The following NTM variants were observed in gnomAD, a reference collection of about 807,000 sequenced individuals.
NTM encodes the protein neurotrimin.
Under a neutral mutation model 42.1 loss-of-function variants are expected in NTM, and 13 were observed. The ratio of observed to expected loss-of-function variants is 0.31; its 90% CI spans 0.20 to 0.49. The LOEUF (loss-of-function observed/expected upper bound fraction) is 0.49, where lower values mean the gene tolerates loss of function less well. Ranked by LOEUF, NTM falls within the 20% of genes least tolerant of loss-of-function variation. The pLI is 0.99. For synonymous variants in NTM, 187 were observed against 179.2 expected (o/e 1.04, Z -0.35); for missense variants, 373 against 452.8 (o/e 0.82, Z 1.60).
chr11:132,110,784 C>T (rs371426466), intron 2 of NTM, among the ~76,000 whole-genome samples: 3 of 151,986 alleles, frequency 2.0e-5, no homozygotes, highest in East Asian at 3.9e-4. Context: ...CCTGTAATTC[C>T]AACACTTTGT....
At chr11:132,157,422 A>C (rs2137539187) in intron 3 of NTM, among the ~76,000 whole-genome samples, 1 of 152,320 alleles carries the variant, frequency 6.6e-6, no homozygotes, top group South Asian at 2.1e-4. Flanking sequence ...CTACAGGAGC[A>C]GATGGAGTCA....
In NTM at chr11:131,670,943, T is replaced by C. The variant is rs111875459; in HGVS notation, c.83-240621T>C. ...GGGCCCAGGAGGCTCCCAGGGAATG[T>C]GGCCCCCAGCCCCTTCTGAAAACAG... On this transcript the variant is annotated intron_variant, in intron 1 of 8. Transcript: ENST00000683400. 3.0e-3 allele frequency among the ~76,000 whole-genome samples: 452 copies of C among 152,260 alleles called. 4 individuals are homozygous for C. Among genetic ancestry groups the C allele is most frequent in the African/African-American group, 1.0e-2 (414 of 41,558 alleles).
chr11:131,971,057 A>G (rs12575687), intron 2 of NTM, among the ~76,000 whole-genome samples: 15,358 of 152,230 alleles, frequency 0.1, 812 homozygotes, highest in East Asian at 0.2. Flanking sequence ...CAAACCAATG[A>G]GAAATTTCCC....
At position 131,613,725 on chromosome 11, in the gene NTM, G is replaced by A. The variant is rs915412702; in HGVS notation, c.82+242837G>A. 3.9e-5 allele frequency among the ~76,000 whole-genome samples: 6 copies of A among 152,168 alleles called. No homozygotes were observed. In the East Asian group the frequency reaches 5.8e-4, roughly 15 times the overall value. ...ACTGAGAGGTGGAACCAGCTCTCCC[G>A]GTTCACAGGAGACGTGGAGACTCCG... On this transcript the variant is annotated intron_variant, in intron 1 of 8. Coordinates refer to ENST00000683400, the MANE Select transcript of NTM (RefSeq NM_001352005.2).
chr11:131,907,494 G>A (rs968232636), intron 1 of NTM, among the ~76,000 whole-genome samples: 1 of 152,180 alleles, frequency 6.6e-6, no homozygotes, highest in African/African-American at 2.4e-5. Context: ...GTGTGTATGT[G>A]TGTACATGTT....
At chr11:131,658,204 T>C (rs2067456705) in intron 1 of NTM, among the ~76,000 whole-genome samples, 1 of 152,172 alleles carries the variant, frequency 6.6e-6, no homozygotes, top group East Asian at 1.9e-4. Context: ...GAAAATGCAG[T>C]CATCTCTCAG....
chr11:131,976,061 G>A (rs1444528601), intron 2 of NTM, among the ~76,000 whole-genome samples: 1 of 152,002 alleles, frequency 6.6e-6, no homozygotes, highest in Non-Finnish European at 1.5e-5. Flanking sequence ...TTTTAAATCT[G>A]TGATTGGTGC....
At chr11:132,014,027 C>T (rs939499567) in intron 2 of NTM, among the ~76,000 whole-genome samples, 1 of 152,002 alleles carries the variant, frequency 6.6e-6, no homozygotes, top group Admixed American at 6.6e-5. Context: ...ATTAGCCAAC[C>T]TTTCTTCATA....
In NTM at chr11:131,911,605, A is replaced by G; in HGVS notation, c.124A>G (p.Met42Val). Residue 42 changes from methionine (M) to valine (V), a missense_variant, in exon 2 of 9, where the codon ATG becomes GTG. Transcript: ENST00000683400. ...RSGDATFPKA[M>V]DNVTVRQGES... ...CGGAGATGCCACCTTCCCCAAAGCT[A>G]TGGACAACGTGACGGTCCGGCAGGG... is the stretch of plus-strand genomic sequence containing the variant. 1 of 1,614,160 alleles carries G rather than the reference A, an allele frequency of 6.2e-7. No homozygotes were observed. The highest frequency in any genetic ancestry group is 8.5e-7 in the Non-Finnish European group (1 of 1,180,038).
intron 1 of NTM, among the ~76,000 whole-genome samples, chr11:131,835,779 T>G (rs1460501335): frequency 6.6e-6 from 1 of 152,188 alleles, no homozygotes; most frequent in African/African-American, 2.4e-5. Flanking sequence ...TGTTGATAGA[T>G]GCACTATTTG....
intron 1 of NTM, among the ~76,000 whole-genome samples, chr11:131,646,272 A>G (rs1392059985): frequency 6.6e-6 from 1 of 152,246 alleles, no homozygotes; most frequent in Non-Finnish European, 1.5e-5. Context: ...TGAATAGTTG[A>G]ATCAGAGAAT....
intron 1 of NTM, among the ~76,000 whole-genome samples, chr11:131,460,394 T>G (rs985826382): frequency 2.0e-4 from 31 of 152,256 alleles, no homozygotes; most frequent in South Asian, 6.2e-4. Flanking sequence ...ACAAGTAAAA[T>G]TTTTAGTATT....
intron 4 of NTM, among the ~76,000 whole-genome samples, chr11:132,222,508 T>C (rs183986501): frequency 2.0e-5 from 3 of 152,288 alleles, no homozygotes; most frequent in African/African-American, 7.2e-5. Flanking sequence ...TTGGCATTCT[T>C]CATCTTCCTA....
At chr11:131,416,445 T>A (rs1038417210) in intron 1 of NTM, among the ~76,000 whole-genome samples, 4 of 152,224 alleles carry the variant, frequency 2.6e-5, no homozygotes, top group African/African-American at 7.2e-5. Context: ...CACGGTTGCC[T>A]CTCCCTGAAC....
chr11:131,882,382 C>G (rs2049676758), intron 1 of NTM, among the ~76,000 whole-genome samples: 1 of 152,192 alleles, frequency 6.6e-6, no homozygotes, highest in Non-Finnish European at 1.5e-5. Context: ...GAACCTTCAA[C>G]TGATTGGATG....
intron 2 of NTM, among the ~76,000 whole-genome samples, chr11:131,984,105 A>G (rs2065698647): frequency 6.6e-6 from 1 of 152,230 alleles, no homozygotes; most frequent in African/African-American, 2.4e-5. Flanking sequence ...GTAGGCATTT[A>G]AGTAAATATC....
chr11:132,178,045 A>G (rs1395739062), intron 3 of NTM, among the ~76,000 whole-genome samples: 2 of 152,222 alleles, frequency 1.3e-5, no homozygotes, highest in Non-Finnish European at 2.9e-5. Flanking sequence ...AATCGCTCAC[A>G]TGAAATTGGA....
intron 2 of NTM, among the ~76,000 whole-genome samples, chr11:131,971,520 T>C (rs2063526500): frequency 6.6e-6 from 1 of 152,166 alleles, no homozygotes; most frequent in Admixed American, 6.5e-5. Context: ...ATATGTATCA[T>C]TTTGCTTTGT....
rs970835357 is a variant in NTM, at chr11:132,275,140, C to T, written c.527-32549C>T. Among the ~76,000 whole-genome samples the T allele has an allele frequency of 6.6e-5, 10 of 152,150 alleles. No homozygotes were observed. In the South Asian group the frequency reaches 8.3e-4, roughly 13 times the overall value. On this transcript the variant is annotated intron_variant, in intron 4 of 8. Transcript: ENST00000683400. ...ACCCTAAGGTCATGAAGATGTTCTA[C>T]GTTCTCTTCAAGATGTTTTATAGTT...
Sources: allele counts gnomAD v4.1 joint callset (sites outside exome capture counted in the v4.1 genomes callset), GRCh38; gene constraint gnomAD v4.1.1; transcripts MANE v1.5; gene names NCBI Gene and HGNC (gene_info 2026-07-23, HGNC 2026-07-21).